The following CTNNA3 variants were observed in gnomAD, a reference collection of about 807,000 sequenced individuals.
The protein encoded by CTNNA3 is catenin alpha-3.
In CTNNA3, 76 loss-of-function variants were observed where a neutral mutation model predicts 95.7. The ratio of observed to expected loss-of-function variants is 0.79; its 90% CI spans 0.66 to 0.96. The LOEUF is 0.96. Among genes scored for constraint, CTNNA3 ranks in the 40% least tolerant of loss-of-function variants. The probability of loss-of-function intolerance (pLI) is 0.00; values close to 1 mark genes in which losing one functional copy is unlikely to be tolerated. For synonymous variants in CTNNA3, 431 were observed against 374.4 expected (o/e 1.15, Z -1.74); for missense variants, 1,191 against 1,089.8 (o/e 1.09, Z -1.31).
At chr10:66,031,893 G>C (rs1374039499) in intron 15 of CTNNA3, among the ~76,000 whole-genome samples, 1 of 152,158 alleles carries the variant, frequency 6.6e-6, no homozygotes, top group Non-Finnish European at 1.5e-5. Flanking sequence ...ATAGAAAGCT[G>C]ATGGTTAACA....
intron 11 of CTNNA3, among the ~76,000 whole-genome samples, chr10:66,461,800 C>G (rs1282679305): frequency 1.4e-5 from 2 of 145,436 alleles, no homozygotes; most frequent in Non-Finnish European, 3.0e-5. Context: ...AAGTAATATC[C>G]TTGTATATCT....
At chr10:66,600,710 G>T (rs1043148436) in intron 10 of CTNNA3, among the ~76,000 whole-genome samples, 4 of 151,768 alleles carry the variant, frequency 2.6e-5, no homozygotes, top group Non-Finnish European at 5.9e-5. Flanking sequence ...TAATAATAAA[G>T]TGATACATAA....
intron 5 of CTNNA3, among the ~76,000 whole-genome samples, chr10:67,288,840 T>C (rs1839709516): frequency 6.6e-6 from 1 of 152,188 alleles, no homozygotes; most frequent in Non-Finnish European, 1.5e-5. Context: ...AGTTTAGTAG[T>C]GTAGTCCTAG....
chr10:67,458,018 G>C (rs1380748702), intron 5 of CTNNA3, among the ~76,000 whole-genome samples: 1 of 151,930 alleles, frequency 6.6e-6, no homozygotes, highest in Non-Finnish European at 1.5e-5. Context: ...GGGGGTTGGG[G>C]GGTCTATTAT....
chr10:67,172,818 T>A (rs1345413830), intron 7 of CTNNA3, among the ~76,000 whole-genome samples: 2 of 151,928 alleles, frequency 1.3e-5, no homozygotes, highest in Admixed American at 1.3e-4. Flanking sequence ...TACTAAAAAA[T>A]ACAAAAATTA....
intron 7 of CTNNA3, among the ~76,000 whole-genome samples, chr10:67,023,036 T>G (rs1853130710): frequency 6.6e-6 from 1 of 152,186 alleles, no homozygotes; most frequent in Admixed American, 6.5e-5. Context: ...GGTCAGTGAT[T>G]GGCATACTCA....
At chr10:67,758,159 G>C (rs1283449318) in intron 1 of CTNNA3, among the ~76,000 whole-genome samples, 1 of 152,000 alleles carries the variant, frequency 6.6e-6, no homozygotes, top group East Asian at 1.9e-4. Context: ...TGAGCTTTCA[G>C]ACCCGAACTG....
At chr10:66,742,518 A>G (rs867548281) in intron 9 of CTNNA3, among the ~76,000 whole-genome samples, 1 of 150,930 alleles carries the variant, frequency 6.6e-6, no homozygotes, top group African/African-American at 2.4e-5. Context: ...CTATTCATAC[A>G]CTCCCTCCCC....
At chr10:67,171,740 G>A (rs1464726739) in intron 7 of CTNNA3, among the ~76,000 whole-genome samples, 1 of 151,894 alleles carries the variant, frequency 6.6e-6, no homozygotes, top group Non-Finnish European at 1.5e-5. Context: ...GGGTAAGAGA[G>A]CAAGACCCTG....
chr10:66,878,402 C>T (rs142514243), intron 7 of CTNNA3, among the ~76,000 whole-genome samples: 102 of 152,202 alleles, frequency 6.7e-4, no homozygotes, highest in African/African-American at 2.3e-3. Context: ...ACAAGCTTCA[C>T]GGTAATTCAA....
intron 3 of CTNNA3, among the ~76,000 whole-genome samples, chr10:67,568,622 T>G (rs1841888136): frequency 6.6e-6 from 1 of 152,048 alleles, no homozygotes; most frequent in Admixed American, 6.6e-5. Context: ...AGAAAAATTT[T>G]TACTGGTGTC....
chr10:67,300,617 T>G (rs144138284), intron 5 of CTNNA3, among the ~76,000 whole-genome samples: 42 of 152,274 alleles, frequency 2.8e-4, no homozygotes, highest in Middle Eastern at 3.4e-3. Flanking sequence ...CATCATTGAG[T>G]TCAGGCTTCA....
chr10:67,369,761 G>C (rs1843348703), intron 5 of CTNNA3, among the ~76,000 whole-genome samples: 1 of 152,072 alleles, frequency 6.6e-6, no homozygotes, highest in Non-Finnish European at 1.5e-5. Context: ...AATAACACTA[G>C]ATAATATCTT....
In CTNNA3 at chr10:67,596,946, G is replaced by A. The variant is rs1218228101; in HGVS notation, c.292+9911C>T. 3.3e-5 allele frequency among the ~76,000 whole-genome samples: 5 copies of A among 152,168 alleles called. No individual in the cohort carries two copies. The South Asian group carries it at 8.3e-4, about 25-fold the overall frequency. On this transcript the variant is annotated intron_variant, in intron 3 of 17. Coordinates refer to ENST00000433211, the MANE Select transcript of CTNNA3 (RefSeq NM_013266.4). The stretch of plus-strand genomic sequence containing the variant: ...TCTTTACATAATCCCATATTTCTCA[G>A]AGGTTTTCTCCTTTTTTGTCTTTTT...
At chr10:66,092,512 C>G (rs1564634551) in intron 14 of CTNNA3, among the ~76,000 whole-genome samples, 1 of 151,922 alleles carries the variant, frequency 6.6e-6, no homozygotes, top group African/African-American at 2.4e-5. Context: ...ACATTTTCTT[C>G]TCAGAACTTC....
At chr10:67,517,145 G>T (rs1839841924) in intron 5 of CTNNA3, among the ~76,000 whole-genome samples, 1 of 151,964 alleles carries the variant, frequency 6.6e-6, no homozygotes, top group Non-Finnish European at 1.5e-5. Context: ...TCTTATGATA[G>T]CTCTATTTCA....
At chr10:67,243,094 C>T (rs1865776471) in intron 5 of CTNNA3, among the ~76,000 whole-genome samples, 1 of 152,120 alleles carries the variant, frequency 6.6e-6, no homozygotes. Flanking sequence ...GTGTTTACCT[C>T]TCCTCTAAGT....
At chr10:66,515,435 C>G (rs943263380) in intron 11 of CTNNA3, among the ~76,000 whole-genome samples, 4 of 151,790 alleles carry the variant, frequency 2.6e-5, no homozygotes, top group African/African-American at 9.7e-5. Flanking sequence ...AAAATTTTCC[C>G]TAAGTAATTC....
intron 12 of CTNNA3, among the ~76,000 whole-genome samples, chr10:66,321,323 C>T (rs1013009857): frequency 1.3e-5 from 2 of 151,952 alleles, no homozygotes; most frequent in African/African-American, 2.4e-5. Flanking sequence ...ATTAAGTTAC[C>T]GAAAGAAACA....
Sources: gnomAD v4.1 joint callset for allele counts (sites outside exome capture counted in the v4.1 genomes callset) on GRCh38, gnomAD v4.1.1 for gene constraint, MANE v1.5 for transcripts, NCBI Gene and HGNC (gene_info 2026-07-23, HGNC 2026-07-21) for gene names.